LRTM1: variants seen among roughly 807,000 people sequenced by gnomAD.
The protein encoded by LRTM1 is leucine-rich repeat and transmembrane domain-containing protein 1.
Under a neutral mutation model 32.4 loss-of-function variants are expected in LRTM1, and 38 were observed. The ratio of observed to expected loss-of-function variants is 1.17; its 90% CI spans 0.91 to 1.54. The LOEUF is 1.54. Ranked by LOEUF, LRTM1 falls within the 40% of genes most tolerant of loss-of-function variation. The probability of loss-of-function intolerance (pLI) is 0.00; values close to 1 mark genes in which losing one functional copy is unlikely to be tolerated. For missense variants in LRTM1, 466 were observed against 415.4 expected (o/e 1.12, Z -1.06); for synonymous variants, 186 against 169.9 (o/e 1.09, Z -0.74).
At chr3:54,931,132 G>C (rs1261476561), upstream of LRTM1, among the ~76,000 whole-genome samples, 1 of 152,146 alleles carries the variant, frequency 6.6e-6, no homozygotes, top group Non-Finnish European at 1.5e-5. Context: ...TCTCTTACTA[G>C]CAGCATGGAT....
intron 1 of LRTM1, among the ~76,000 whole-genome samples, chr3:54,964,683 AAT>A (rs1406991935): frequency 6.6e-5 from 10 of 152,194 alleles, no homozygotes; most frequent in Non-Finnish European, 1.3e-4. Context: ...AACTAAGGAA[AAT>A]AGTGAAAGGA....
intron 1 of LRTM1, among the ~76,000 whole-genome samples, chr3:54,926,939 C>T (rs1360037563): frequency 6.6e-6 from 1 of 152,166 alleles, no homozygotes; most frequent in African/African-American, 2.4e-5. Flanking sequence ...CTGTCATTCA[C>T]CAAAGTAGCT....
At chr3:54,961,099 C>T (rs973456365) in intron 1 of LRTM1, among the ~76,000 whole-genome samples, 3 of 152,184 alleles carry the variant, frequency 2.0e-5, no homozygotes, top group Non-Finnish European at 4.4e-5. Flanking sequence ...ACAAACGTGG[C>T]TTGGGTAATG....
chr3:54,963,381 G>C (rs576450822), intron 1 of LRTM1, among the ~76,000 whole-genome samples: 13 of 152,280 alleles, frequency 8.5e-5, no homozygotes, highest in African/African-American at 2.9e-4. Flanking sequence ...TCATCGTCCA[G>C]TAGAAGTCTC....
At position 54,918,612 on chromosome 3, in the gene LRTM1, C is replaced by T. The variant is rs146117666; in HGVS notation, c.885G>A (p.Val295=). 5 of 1,614,166 alleles carry T rather than the reference C, an allele frequency of 3.1e-6. No homozygotes were observed. In the African/African-American group the frequency reaches 5.3e-5, roughly 17 times the overall value. ...AIATVIITGV[V]CGIVCLMMLA... ...ACATCATGAGACACACAATCCCACA[C>T]ACAACGCCAGTGATGATGACAGTGG... Residue 295 remains valine, a synonymous_variant, in exon 3 of 3, where the codon GTG becomes GTA. Transcript: ENST00000273286.
At chr3:54,932,143 C>T (rs56763486), upstream of LRTM1, among the ~76,000 whole-genome samples, 201 of 152,234 alleles carry the variant, frequency 1.3e-3, no homozygotes, top group African/African-American at 4.6e-3. Context: ...CACGCCACTA[C>T]ACAGCAGCCT....
chr3:54,924,993 A>T lies in LRTM1; in HGVS notation c.230T>A (p.Met77Lys). ...AFAFRSVPWL[M>K]TLNLSNNSLS... ...GGAATTGTTGGACAAGTTTAAGGTC[A>T]TGAGCCATGGCACTGACCTAAATGC... is the stretch of plus-strand genomic sequence containing the variant. Residue 77 changes from methionine to lysine, a missense_variant, in exon 2 of 3, where the codon ATG becomes AAG. By Grantham distance (95) the Met-to-Lys change is moderately conservative. Coordinates refer to ENST00000273286, the MANE Select transcript of LRTM1 (RefSeq NM_020678.4). 1.2e-6 allele frequency: 2 copies of T among 1,613,954 alleles called. No individual in the cohort carries two copies. Among genetic ancestry groups the T allele is most frequent in the Non-Finnish European group, 1.7e-6 (2 of 1,179,808 alleles).
chr3:54,918,980 G>A, intron 2 of LRTM1, 88 bp from the exon 3 acceptor site: 1 of 1,066,652 alleles, frequency 9.4e-7, no homozygotes, highest in Non-Finnish European at 1.3e-6. Flanking sequence ...TAGGCAGATG[G>A]AATTTATGAA....
At chr3:54,920,862 C>G (rs1395632387) in intron 2 of LRTM1, among the ~76,000 whole-genome samples, 4 of 152,146 alleles carry the variant, frequency 2.6e-5, no homozygotes. Flanking sequence ...CTGTGTTTCT[C>G]CAGTTCCAGA....
chr3:54,925,869 T>C (rs1011546033), intron 1 of LRTM1, among the ~76,000 whole-genome samples: 3 of 152,224 alleles, frequency 2.0e-5, no homozygotes, highest in Non-Finnish European at 2.9e-5. Flanking sequence ...CGTATTGATA[T>C]CCATTTTTGC....
chr3:54,931,847 A>G (rs1425106862), upstream of LRTM1, among the ~76,000 whole-genome samples: 1 of 152,218 alleles, frequency 6.6e-6, no homozygotes, highest in Non-Finnish European at 1.5e-5. Context: ...GAAATCCAGC[A>G]TGTAATAGCT....
chr3:54,966,128 A>AC (rs1702143894), intron 1 of LRTM1, among the ~76,000 whole-genome samples: 1 of 151,924 alleles, frequency 6.6e-6, no homozygotes, highest in South Asian at 2.1e-4. Context: ...CCATCAGAGA[A>AC]CGGGGGTGGG....
At chr3:54,947,981 TA>T (rs1701656663) in intron 1 of LRTM1, among the ~76,000 whole-genome samples, 1 of 152,190 alleles carries the variant, frequency 6.6e-6, no homozygotes, top group Admixed American at 6.5e-5. Context: ...TGGCAAATGC[TA>T]ATCTGGAACC....
chr3:54,922,539 G>A (rs1700883587), intron 2 of LRTM1, among the ~76,000 whole-genome samples: 1 of 152,072 alleles, frequency 6.6e-6, no homozygotes, highest in Non-Finnish European at 1.5e-5. Flanking sequence ...TATTGATTAT[G>A]TAATTTACTA....
intron 1 of LRTM1, among the ~76,000 whole-genome samples, chr3:54,947,328 C>A (rs59243268): frequency 0.01 from 1,561 of 152,242 alleles, 30 homozygotes; most frequent in African/African-American, 0.036. Context: ...ATCTTCCAAG[C>A]AGTGCTAATG....
chr3:54,957,306 T>A (rs746587729), intron 1 of LRTM1, among the ~76,000 whole-genome samples: 2 of 151,882 alleles, frequency 1.3e-5, no homozygotes, highest in African/African-American at 2.4e-5. Context: ...GCCACTGCAC[T>A]CAGCTAATTT....
chr3:54,924,682 G>A lies in LRTM1; in HGVS notation c.541C>T (p.Leu181Phe), dbSNP rs775115035. ...AGCAAGTGGCAATTGCATTTCCAGA[G>A]GTTGTCCTTGAGAAGTAAAAGCCTC... ...SVRLLLLKDN[L>F]WKCNCHLLGL... Residue 181 changes from leucine to phenylalanine, a missense_variant, in exon 2 of 3, where the codon CTC becomes TTC. Physicochemically the swap from Leu to Phe is conservative, Grantham distance 22. Transcript: ENST00000273286. The A allele has an allele frequency of 3.7e-6, 6 of 1,614,128 alleles. No homozygotes were observed. In the East Asian group the frequency reaches 8.9e-5, roughly 24 times the overall value.
chr3:54,942,087 C>T (rs180689108), intron 1 of LRTM1, among the ~76,000 whole-genome samples: 159 of 152,270 alleles, frequency 1.0e-3, no homozygotes, highest in African/African-American at 3.6e-3. Context: ...TAGGGTTTAC[C>T]AAGGAAGTGT....
In LRTM1 at chr3:54,940,009, G is replaced by A. The variant is rs530010961; in HGVS notation, c.-221-14794C>T. On this transcript the variant is annotated intron_variant, in intron 1 of 2. Coordinates refer to the LRTM1 transcript ENST00000493075. ...TGCCTCTAGGACTCCCATCTGAGCAGATGAGCATCTCAGAAAGAGGGGTGG... is the reference window on the plus strand; with the variant it reads ...TGCCTCTAGGACTCCCATCTGAGCAAATGAGCATCTCAGAAAGAGGGGTGG... 4.6e-5 allele frequency among the ~76,000 whole-genome samples: 7 copies of A among 152,240 alleles called. 1 individual carries two copies. Among genetic ancestry groups the A allele is most frequent in the African/African-American group, 1.7e-4 (7 of 41,522 alleles).
Sources: allele counts gnomAD v4.1 joint callset (sites outside exome capture counted in the v4.1 genomes callset), GRCh38; gene constraint gnomAD v4.1.1; transcripts MANE v1.5; gene names NCBI Gene and HGNC (gene_info 2026-07-23, HGNC 2026-07-21).